SMARCA5: variants seen among roughly 807,000 people sequenced by gnomAD.
SMARCA5 encodes SWI/SNF-related matrix-associated actin-dependent regulator of chromatin subfamily A member 5.
In SMARCA5, 18 loss-of-function variants were observed where a neutral mutation model predicts 140.4. That is an observed-to-expected ratio of 0.13 (90% CI 0.09 to 0.19). The LOEUF (loss-of-function observed/expected upper bound fraction) is 0.19, where lower values mean the gene tolerates loss of function less well. Ranked by LOEUF, SMARCA5 falls within the 10% of genes least tolerant of loss-of-function variation. The pLI is 1.00. For synonymous variants in SMARCA5, 449 were observed against 419.6 expected (o/e 1.07, Z -0.86); for missense variants, 606 against 1,276.8 (o/e 0.47, Z 8.01).
rs928373939 is a variant in SMARCA5, at chr4:143,520,951, T to G, written c.253-478T>G. On this transcript the variant is annotated intron_variant, in intron 2 of 23. Coordinates refer to ENST00000283131, the MANE Select transcript of SMARCA5 (RefSeq NM_003601.4). Reference sequence around the variant, plus strand: ...CTAACTAATGAATGAGCACTGCATTTTTTCCAGCTTCTGAGTAAATTCACT... The same window carrying G: ...CTAACTAATGAATGAGCACTGCATTGTTTCCAGCTTCTGAGTAAATTCACT... Among the ~76,000 whole-genome samples, 7 of 152,370 alleles carry G rather than the reference T, an allele frequency of 4.6e-5. No homozygotes were observed. The South Asian group carries it at 1.4e-3, about 32-fold the overall frequency.
chr4:143,525,485 C>A lies in SMARCA5; in HGVS notation c.555C>A (p.Val185=). The part of the protein sequence containing the change: ...VKWGKLRDYQ[V]RGLNWLISLY... The stretch of plus-strand genomic sequence containing the variant: ...GGGGTAAACTGAGAGATTATCAGGT[C>A]CGAGGATTAAACTGGCTCATTTCTT... The change falls in exon 5 of 24, where the codon GTC becomes GTA. Residue 185 remains valine, a synonymous_variant. Transcript: ENST00000283131. 4 of 1,613,238 alleles carry A rather than the reference C, an allele frequency of 2.5e-6. No individual in the cohort carries two copies. Among genetic ancestry groups the A allele is most frequent in the Non-Finnish European group, 3.4e-6 (4 of 1,179,296 alleles).
At chr4:143,530,422 CTCTGA>C (rs755511758) in intron 8 of SMARCA5, 31 bp from the exon 9 acceptor site, 10 of 1,396,564 alleles carry the variant, frequency 7.2e-6, no homozygotes, top group African/African-American at 1.4e-5. Context: ...TTAATATTAT[CTCTGA>C]TCTGAGTATA....
intron 2 of SMARCA5, among the ~76,000 whole-genome samples, chr4:143,520,987 A>G (rs1736945521): frequency 6.6e-6 from 1 of 152,220 alleles, no homozygotes; most frequent in Non-Finnish European, 1.5e-5. Context: ...TGTATTGCAC[A>G]GTGTTTAATA....
chr4:143,546,966 T>A, intron 20 of SMARCA5, 58 bp downstream of exon 20: 1 of 1,544,272 alleles, frequency 6.5e-7, no homozygotes, highest in Non-Finnish European at 8.9e-7. Context: ...GGTTCTTGTT[T>A]TCTTATTCTG....
At chr4:143,538,744 A>G in intron 12 of SMARCA5, 33 bp downstream of exon 12, 2 of 1,613,492 alleles carry the variant, frequency 1.2e-6, no homozygotes, top group South Asian at 2.2e-5. Context: ...GATAAAAAAG[A>G]ATCAGATAAA....
chr4:143,542,198 T>C lies in SMARCA5; in HGVS notation c.1904-1311T>C, dbSNP rs551469574. Among the ~76,000 whole-genome samples the C allele has an allele frequency of 2.4e-4, 37 of 152,232 alleles. 1 individual carries two copies. In the Middle Eastern group the frequency reaches 0.01, roughly 42 times the overall value. On this transcript the variant is annotated intron_variant, in intron 14 of 23. Transcript: ENST00000283131. ...AAAGATAAAAAAGACCTTAATTGATTCATAATTAATTTAGAAATCTTGAGG... is the reference window on the plus strand; with the variant it reads ...AAAGATAAAAAAGACCTTAATTGATCCATAATTAATTTAGAAATCTTGAGG...
rs754002060 is a variant in SMARCA5 at position 143,514,091 on chromosome 4, C to A, written c.167C>A (p.Ala56Asp). The A allele has an allele frequency of 7.7e-6, 12 of 1,549,826 alleles. No homozygotes were observed. In the South Asian group the frequency reaches 1.2e-4, roughly 15 times the overall value. ...GCGGCCAGCGCTGGTCCCGCAGACG[C>A]CGAGATGGAGGTGAGGGCGACTTGC... ...ASAASAGPAD[A>D]EMEEIFDDAS... The change falls in exon 1 of 24, where the codon GCC becomes GAC. Residue 56 changes from alanine (A) to aspartate (D), a missense_variant. Ala to Asp is a moderately radical substitution (Grantham distance 126). Around this residue, in one of 10 missense-constraint regions of SMARCA5, gnomAD observed 164 missense variants for 128.4 expected, o/e 1.28. Transcript: ENST00000283131.
rs1737723280 is a variant in SMARCA5 at position 143,555,229 on chromosome 4, A to G, written c.*2045A>G. 2 of 844,868 alleles carry G rather than the reference A, an allele frequency of 2.4e-6. No homozygotes were observed. Among genetic ancestry groups the G allele is most frequent in the Non-Finnish European group, 4.0e-6 (2 of 499,896 alleles). 52.3% of individuals were successfully genotyped at this position (844,868 alleles called of 1,614,324 possible). A position where few individuals can be genotyped will look rare whatever the true frequency, so the allele number is the denominator to read the frequency against. ...CATAGGGCCCAGAGCTTCTGCCTCC[A>G]AAGTTTCCTCCCTTCATGGGTCCAA... On this transcript the variant is annotated 3_prime_UTR_variant, in exon 24 of 24. Coordinates refer to ENST00000283131, the MANE Select transcript of SMARCA5 (RefSeq NM_003601.4).
Position 143,555,557 on chromosome 4 carries a change from C to A in SMARCA5, c.*2373C>A. ...ATGTTTTAATAATCTGATCATGATA[C>A]TGAATAAATGTCTTTTTTTTTTTTT... On this transcript the variant is annotated 3_prime_UTR_variant, in exon 24 of 24. Coordinates refer to ENST00000283131, the MANE Select transcript of SMARCA5 (RefSeq NM_003601.4). 6.0e-6 allele frequency: 2 copies of A among 333,336 alleles called. No individual in the cohort carries two copies. Among genetic ancestry groups the A allele is most frequent in the Non-Finnish European group, 1.1e-5 (2 of 176,352 alleles). The allele number at this position is 333,336 out of a possible 1,614,324, so 20.6% of individuals were successfully genotyped here. A position where few individuals can be genotyped will look rare whatever the true frequency, so the allele number is the denominator to read the frequency against.
intron 1 of SMARCA5, among the ~76,000 whole-genome samples, chr4:143,514,814 G>A (rs2149815219): frequency 6.6e-6 from 1 of 152,216 alleles, no homozygotes; most frequent in East Asian, 1.9e-4. Flanking sequence ...AGAGAACCAG[G>A]CGCAGTTGGT....
chr4:143,534,993 A>G (rs533918469), intron 10 of SMARCA5, 29 bp downstream of exon 10: 2 of 1,379,074 alleles, frequency 1.5e-6, no homozygotes, highest in African/African-American at 2.9e-5. Context: ...ACTTGATAGC[A>G]CTATTGATTC....
At chr4:143,514,130 G>A in intron 1 of SMARCA5, 29 bp downstream of exon 1, 4 of 1,495,712 alleles carry the variant, frequency 2.7e-6, no homozygotes, top group Non-Finnish European at 3.5e-6. Flanking sequence ...ATGGGGAGCG[G>A]GTGCAGCGGG....
chr4:143,524,274 A>G, intron 3 of SMARCA5, 93 bp from the exon 4 acceptor site: 1 of 750,192 alleles, frequency 1.3e-6, no homozygotes, highest in East Asian at 2.8e-5. Context: ...AATTTTGTGG[A>G]ATCTTGGTCA....
Position 143,543,675 on chromosome 4 carries a change from T to G in SMARCA5, c.2052+18T>G, listed in dbSNP as rs1737471663. 2 of 1,585,950 alleles carry G rather than the reference T, an allele frequency of 1.3e-6. No individual in the cohort carries two copies. Among genetic ancestry groups the G allele is most frequent in the African/African-American group, 1.3e-5 (1 of 74,374 alleles). ...CAAAGAAGGTGAGATGTAGATTAAA[T>G]AATGCTTTTAATATAGAATGTTTTA... On this transcript the variant is annotated intron_variant, in intron 15 of 23. Coordinates refer to ENST00000283131, the MANE Select transcript of SMARCA5 (RefSeq NM_003601.4).
chr4:143,549,947 A>G (rs2149825590), intron 22 of SMARCA5, 50 bp from the exon 23 acceptor site: 1 of 1,026,800 alleles, frequency 9.7e-7, no homozygotes, highest in East Asian at 2.4e-5. Context: ...AATTGAAATC[A>G]TGAAACTTGT....
chr4:143,555,071 C>G lies in SMARCA5; in HGVS notation c.*1887C>G. 3 of 594,334 alleles carry G rather than the reference C, an allele frequency of 5.0e-6. No homozygotes were observed. The highest frequency in any genetic ancestry group is 1.8e-5 in the African/African-American group (1 of 54,882). The allele number at this position is 594,334 out of a possible 1,614,324, so 36.8% of individuals were successfully genotyped here. On this transcript the variant is annotated 3_prime_UTR_variant, in exon 24 of 24. Coordinates refer to ENST00000283131, the MANE Select transcript of SMARCA5 (RefSeq NM_003601.4). ...TTCCTCTCCCGCTAAGCTTTTGTTT[C>G]CTGGCAGTAATTAAAATCTTCTGTC...
chr4:143,552,043 G>T (rs917385447), intron 23 of SMARCA5, among the ~76,000 whole-genome samples: 1 of 152,044 alleles, frequency 6.6e-6, no homozygotes, highest in Non-Finnish European at 1.5e-5. Flanking sequence ...GCTAATCCAT[G>T]AACATGGAAT....
chr4:143,514,823 G>T (rs1736793335), intron 1 of SMARCA5, among the ~76,000 whole-genome samples: 1 of 152,114 alleles, frequency 6.6e-6, no homozygotes, highest in South Asian at 2.1e-4. Flanking sequence ...GGCGCAGTTG[G>T]TTGGCTCTCA....
intron 3 of SMARCA5, among the ~76,000 whole-genome samples, chr4:143,523,589 T>A (rs1356193748): frequency 6.6e-6 from 1 of 152,196 alleles, no homozygotes; most frequent in Non-Finnish European, 1.5e-5. Flanking sequence ...CTGATTATGA[T>A]TAGAAGCATA....
Sources: gnomAD v4.1 joint callset for allele counts (sites outside exome capture counted in the v4.1 genomes callset) on GRCh38, gnomAD v4.1.1 for gene constraint, gnomAD v4.1.1 regional missense constraint, MANE v1.5 for transcripts, NCBI Gene and HGNC (gene_info 2026-07-23, HGNC 2026-07-21) for gene names.